ENAH: variants seen among roughly 807,000 people sequenced by gnomAD.
The protein encoded by ENAH is ENAH actin regulator.
ENAH carries 23 observed loss-of-function variants against 78.7 expected under a neutral mutation model. The observed-to-expected ratio is 0.29, with a 90% CI of 0.21 to 0.41. The LOEUF is 0.41. Among genes scored for constraint, ENAH ranks in the 10% least tolerant of loss-of-function variants. ENAH has a pLI of 1.00. For synonymous variants in ENAH, 226 were observed against 241.0 expected, an observed-to-expected ratio of 0.94 and a Z score of 0.58; for missense variants, 544 against 691.0, an observed-to-expected ratio of 0.79 and a Z score of 2.39.
chr1:225,531,372 G>A (rs923506874), intron 3 of ENAH, among the ~76,000 whole-genome samples: 8 of 152,078 alleles, frequency 5.3e-5, no homozygotes, highest in African/African-American at 1.9e-4. Flanking sequence ...GTACAATGCA[G>A]ACCTGTTTTT....
At position 225,652,946 on chromosome 1, in the gene ENAH, G is replaced by T. The variant is rs1158877362; in HGVS notation, c.-256C>A. 11 of 377,306 alleles carry T rather than the reference G, an allele frequency of 2.9e-5. No individual in the cohort carries two copies. Among genetic ancestry groups the T allele is most frequent in the Non-Finnish European group, 5.2e-5 (11 of 213,078 alleles). 23.4% of individuals were successfully genotyped at this position (377,306 alleles called of 1,614,324 possible). A position where few individuals can be genotyped will look rare whatever the true frequency, so the allele number is the denominator to read the frequency against. ...CGAGGCGCGGAGCTGGTCCCCAGGC[G>T]GCCGCCGCCTCCCACCTCCTCGTGG... On this transcript the variant is annotated 5_prime_UTR_variant, in exon 1 of 14. Transcript: ENST00000366843.
chr1:225,580,371 T>G (rs1028519460), intron 1 of ENAH: 1 of 152,016 alleles, frequency 6.6e-6, no homozygotes, highest in Non-Finnish European at 1.5e-5. Context: ...TTAATGTGAA[T>G]GAGCTTAGAA....
chr1:225,632,777 G>GC (rs959163001), intron 1 of ENAH, among the ~76,000 whole-genome samples: 3 of 152,072 alleles, frequency 2.0e-5, no homozygotes, highest in African/African-American at 4.8e-5. Context: ...TGGCGCAGAC[G>GC]CCCCCCAGGG....
chr1:225,640,197 TCTCA>T (rs1181640393), intron 1 of ENAH, among the ~76,000 whole-genome samples: 1 of 152,218 alleles, frequency 6.6e-6, no homozygotes, highest in Non-Finnish European at 1.5e-5. Context: ...CTTACAATTT[TCTCA>T]GAAAAATTAT....
At chr1:225,516,919 AG>A (rs1450380166) in intron 6 of ENAH, among the ~76,000 whole-genome samples, 1 of 151,930 alleles carries the variant, frequency 6.6e-6, no homozygotes, top group Non-Finnish European at 1.5e-5. Flanking sequence ...ATGTATTATG[AG>A]GGGCTCTTAA....
chr1:225,642,654 C>T (rs1661294555), intron 1 of ENAH, among the ~76,000 whole-genome samples: 1 of 152,108 alleles, frequency 6.6e-6, no homozygotes, highest in African/African-American at 2.4e-5. Flanking sequence ...CGGGTAACAG[C>T]TTTACTAGGC....
chr1:225,499,326 T>C (rs928579870), intron 12 of ENAH, among the ~76,000 whole-genome samples: 1 of 152,030 alleles, frequency 6.6e-6, no homozygotes, highest in African/African-American at 2.4e-5. Flanking sequence ...AATATATACG[T>C]AGCCCACATT....
At chr1:225,650,722 C>T (rs1159094629) in intron 1 of ENAH, among the ~76,000 whole-genome samples, 9 of 151,560 alleles carry the variant, frequency 5.9e-5, no homozygotes, top group African/African-American at 1.9e-4. Flanking sequence ...TGGTGATACC[C>T]GCCTGTAATC....
intron 1 of ENAH, among the ~76,000 whole-genome samples, chr1:225,597,962 T>C (rs2096910696): frequency 6.6e-6 from 1 of 151,748 alleles, no homozygotes; most frequent in Admixed American, 6.6e-5. Flanking sequence ...CAAATATTAA[T>C]ATTCTTTTCC....
Position 225,495,462 on chromosome 1 carries a change from T to G in ENAH, c.*2313A>C, listed in dbSNP as rs2096245012. On this transcript the variant is annotated 3_prime_UTR_variant, in exon 14 of 14. Transcript: ENST00000366843. ...ATAGCATGATTCAACACTGGTTTTT[T>G]TTTTTTTTTTTTTTTGTCAGTTTAC... 1 of 149,722 alleles carries G rather than the reference T, an allele frequency of 6.7e-6. No homozygotes were observed. The highest frequency in any genetic ancestry group is 2.1e-4 in the South Asian group (1 of 4,718). The allele number at this position is 149,722 out of a possible 1,614,324, so 9.3% of individuals were successfully genotyped here.
In ENAH at chr1:225,505,131, G is replaced by A. The variant is rs917004395; in HGVS notation, c.1538+2820C>T. 4 of 1,077,340 alleles carry A rather than the reference G, an allele frequency of 3.7e-6. No homozygotes were observed. In the African/African-American group the frequency reaches 6.3e-5, roughly 17 times the overall value. 66.7% of individuals were successfully genotyped at this position (1,077,340 alleles called of 1,614,324 possible). The stretch of plus-strand genomic sequence containing the variant: ...ATTCTCATTATGTTACTGTTTTATA[G>A]GTTGTTAATAGCAAACAAAACAAGA... On this transcript the variant is annotated intron_variant, in intron 11 of 13. Coordinates refer to ENST00000366843, the MANE Select transcript of ENAH (RefSeq NM_018212.6).
At chr1:225,584,399 T>C (rs943608393) in intron 1 of ENAH, among the ~76,000 whole-genome samples, 7 of 151,364 alleles carry the variant, frequency 4.6e-5, no homozygotes, top group South Asian at 2.1e-4. Context: ...AGAGAGAAAA[T>C]GCAAAGAGGT....
intron 2 of ENAH, among the ~76,000 whole-genome samples, chr1:225,563,919 T>C (rs1338928620): frequency 6.6e-6 from 1 of 152,234 alleles, no homozygotes; most frequent in Non-Finnish European, 1.5e-5. Context: ...TATTTATTTA[T>C]TTCATGATTG....
Position 225,597,385 on chromosome 1 carries a change from C to T in ENAH, c.6-29971G>A, listed in dbSNP as rs373926929. 3.3e-5 allele frequency among the ~76,000 whole-genome samples: 5 copies of T among 152,230 alleles called. No individual in the cohort carries two copies. In the East Asian group the frequency reaches 7.7e-4, roughly 23 times the overall value. Reference sequence around the variant, plus strand: ...ATTAAAAGACACAAAGAAGGCCAGGCATGGTGGCTCACACCTATAATCTCA... The same window carrying T: ...ATTAAAAGACACAAAGAAGGCCAGGTATGGTGGCTCACACCTATAATCTCA... On this transcript the variant is annotated intron_variant, in intron 1 of 13. Transcript: ENST00000366843.
At chr1:225,532,707 G>T (rs2096543814) in intron 3 of ENAH, among the ~76,000 whole-genome samples, 1 of 151,980 alleles carries the variant, frequency 6.6e-6, no homozygotes, top group Non-Finnish European at 1.5e-5. Context: ...GCAATTTACA[G>T]AACCTGCTTT....
chr1:225,630,229 A>C (rs1658749471), intron 1 of ENAH, among the ~76,000 whole-genome samples: 1 of 150,290 alleles, frequency 6.7e-6, no homozygotes, highest in Admixed American at 6.6e-5. Flanking sequence ...GAAAAGCTAC[A>C]GAAAGTAATT....
chr1:225,635,706 A>G (rs187340774), intron 1 of ENAH, among the ~76,000 whole-genome samples: 3 of 152,356 alleles, frequency 2.0e-5, no homozygotes. Flanking sequence ...AGATGAGGTC[A>G]CACCAGAGTA....
intron 11 of ENAH, among the ~76,000 whole-genome samples, chr1:225,504,380 T>C (rs1186643710): frequency 6.6e-6 from 1 of 152,188 alleles, no homozygotes. Flanking sequence ...TACTACTATA[T>C]TTAAGTCCCT....
intron 1 of ENAH, among the ~76,000 whole-genome samples, chr1:225,650,848 TAAA>T (rs746549168): frequency 0.058 from 3,382 of 58,662 alleles, 62 homozygotes; most frequent in South Asian, 0.15. Context: ...AGACTGCATT[TAAA>T]AAAAAAAAAA....
Sources: allele counts gnomAD v4.1 joint callset (sites outside exome capture counted in the v4.1 genomes callset), GRCh38; gene constraint gnomAD v4.1.1; transcripts MANE v1.5; gene names NCBI Gene and HGNC (gene_info 2026-07-23, HGNC 2026-07-21).